Variants in STXBP5L observed in about 807,000 individuals in gnomAD.
STXBP5L encodes syntaxin binding protein 5L.
A neutral mutation model predicts 144.5 loss-of-function variants in STXBP5L; 65 were observed. The observed-to-expected ratio is 0.45, with a 90% CI of 0.37 to 0.55. The LOEUF is 0.55. Among genes scored for constraint, STXBP5L ranks in the 20% least tolerant of loss-of-function variants. The probability of loss-of-function intolerance (pLI) is 0.00; values close to 1 mark genes in which losing one functional copy is unlikely to be tolerated. For missense variants in STXBP5L, 1,298 were observed against 1,405.5 expected (o/e 0.92, Z 1.22); for synonymous variants, 505 against 469.6 (o/e 1.08, Z -0.97).
At chr3:121,058,751 T>C (rs546602404) in intron 5 of STXBP5L, among the ~76,000 whole-genome samples, 14 of 152,342 alleles carry the variant, frequency 9.2e-5, no homozygotes, top group Admixed American at 3.3e-4. Context: ...TTTTCATATG[T>C]TTGTTGGCTA....
At chr3:121,322,691 G>T (rs1229637147) in intron 20 of STXBP5L, among the ~76,000 whole-genome samples, 3 of 148,714 alleles carry the variant, frequency 2.0e-5, no homozygotes, top group South Asian at 2.1e-4. Context: ...GGGGTGGGGG[G>T]TTGAGGGGGT....
At chr3:121,033,538 A>T (rs1484608773) in intron 3 of STXBP5L, among the ~76,000 whole-genome samples, 1 of 144,616 alleles carries the variant, frequency 6.9e-6, no homozygotes, top group East Asian at 2.0e-4. Flanking sequence ...AACCTGCACA[A>T]TGTGAACATG....
intron 3 of STXBP5L, among the ~76,000 whole-genome samples, chr3:120,981,475 T>A (rs999256783): frequency 1.3e-5 from 2 of 152,158 alleles, no homozygotes; most frequent in South Asian, 2.1e-4. Context: ...TCTAGCCTAT[T>A]ATTAGGGCTT....
intron 5 of STXBP5L, among the ~76,000 whole-genome samples, chr3:121,109,451 ACTT>A (rs2043876542): frequency 6.6e-6 from 1 of 151,996 alleles, no homozygotes; most frequent in African/African-American, 2.4e-5. Flanking sequence ...GTTTCACAGA[ACTT>A]CTTGATTTCT....
intron 9 of STXBP5L, among the ~76,000 whole-genome samples, chr3:121,173,497 G>A (rs2108071686): frequency 6.6e-6 from 1 of 151,930 alleles, no homozygotes; most frequent in Admixed American, 6.6e-5. Context: ...AGTGTGAGGG[G>A]CACCAACTCC....
chr3:121,165,647 A>AG (rs2108036399), intron 9 of STXBP5L, among the ~76,000 whole-genome samples: 1 of 152,174 alleles, frequency 6.6e-6, no homozygotes, highest in South Asian at 2.1e-4. Flanking sequence ...TTGGGTGAAA[A>AG]GGAAAAAAAG....
intron 6 of STXBP5L, among the ~76,000 whole-genome samples, chr3:121,119,927 T>G (rs2044386087): frequency 6.6e-6 from 1 of 151,288 alleles, no homozygotes; most frequent in Non-Finnish European, 1.5e-5. Context: ...TTCTATAGTT[T>G]AAGGATCTAA....
intron 7 of STXBP5L, among the ~76,000 whole-genome samples, chr3:121,129,788 A>G (rs777347926): frequency 2.1e-4 from 32 of 152,042 alleles, no homozygotes; most frequent in Non-Finnish European, 3.8e-4. Context: ...AACTGGATCT[A>G]GTGAGCAGAC....
chr3:121,159,808 A>G, intron 9 of STXBP5L, among the ~76,000 whole-genome samples: 1 of 149,518 alleles, frequency 6.7e-6, no homozygotes, highest in East Asian at 2.0e-4. Context: ...TTTTTTTTGT[A>G]TTTTTAGTAG....
intron 10 of STXBP5L, among the ~76,000 whole-genome samples, chr3:121,210,025 G>T (rs1206741099): frequency 1.3e-5 from 2 of 152,178 alleles, no homozygotes; most frequent in Non-Finnish European, 2.9e-5. Flanking sequence ...TTCCACAATG[G>T]TTGAACTAGT....
intron 3 of STXBP5L, among the ~76,000 whole-genome samples, chr3:121,024,766 TGTATAAACACAA>T (rs1945807002): frequency 6.6e-6 from 1 of 152,136 alleles, no homozygotes; most frequent in African/African-American, 2.4e-5. Flanking sequence ...ATCCCATAAA[TGTATAAACACAA>T]GTATATAGAT....
intron 3 of STXBP5L, among the ~76,000 whole-genome samples, chr3:120,983,638 G>C (rs1378726049): frequency 6.6e-6 from 1 of 152,082 alleles, no homozygotes; most frequent in East Asian, 1.9e-4. Flanking sequence ...AGGCCTGGGA[G>C]GACTGAGGGA....
chr3:121,398,162 T>TA (rs1326662851), intron 22 of STXBP5L, among the ~76,000 whole-genome samples: 2 of 152,238 alleles, frequency 1.3e-5, no homozygotes, highest in African/African-American at 4.8e-5. Flanking sequence ...CAGAAGTAGA[T>TA]ATAACAATTT....
chr3:120,982,750 G>C (rs570687549), intron 3 of STXBP5L, among the ~76,000 whole-genome samples: 18 of 152,310 alleles, frequency 1.2e-4, no homozygotes, highest in African/African-American at 4.3e-4. Flanking sequence ...GTTGTCAGCT[G>C]GTTGGGTTGG....
intron 5 of STXBP5L, among the ~76,000 whole-genome samples, chr3:121,086,045 A>G (rs6799358): frequency 0.099 from 15,104 of 152,134 alleles, 1,179 homozygotes; most frequent in Admixed American, 0.2. Context: ...AGACAAACCT[A>G]ACAAAAGCAA....
chr3:120,951,351 T>A (rs576734408), intron 2 of STXBP5L, among the ~76,000 whole-genome samples: 11 of 152,100 alleles, frequency 7.2e-5, no homozygotes, highest in Admixed American at 2.0e-4. Flanking sequence ...GAAACTACCA[T>A]CAGAGTGAAC....
At chr3:121,056,106 G>A (rs1004832196) in intron 5 of STXBP5L, among the ~76,000 whole-genome samples, 2 of 152,032 alleles carry the variant, frequency 1.3e-5, no homozygotes, top group African/African-American at 4.8e-5. Context: ...CATCTGGTAA[G>A]GCTTATATAT....
intron 8 of STXBP5L, among the ~76,000 whole-genome samples, chr3:121,155,333 C>T (rs1303568778): frequency 1.3e-5 from 2 of 151,834 alleles, no homozygotes; most frequent in Non-Finnish European, 1.5e-5. Flanking sequence ...AACTTCTCAT[C>T]ATGAACTGCC....
In STXBP5L at chr3:121,172,504, T is replaced by C. The variant is rs182950468; in HGVS notation, c.877+14877T>C. ...AGTTTACAAGTAAAAAACAACCCCA[T>C]CAAAAAGTGGGCAAAGGGTATCTAC... On this transcript the variant is annotated intron_variant, in intron 9 of 26. Coordinates refer to ENST00000471454, the MANE Select transcript of STXBP5L (RefSeq NM_001308330.2). 3.3e-3 allele frequency among the ~76,000 whole-genome samples: 504 copies of C among 152,044 alleles called. 3 individuals are homozygous for C. Among genetic ancestry groups the C allele is most frequent in the African/African-American group, 0.011 (467 of 41,468 alleles).
Sources: allele counts gnomAD v4.1 joint callset (sites outside exome capture counted in the v4.1 genomes callset), GRCh38; gene constraint gnomAD v4.1.1; transcripts MANE v1.5; gene names NCBI Gene and HGNC (gene_info 2026-07-23, HGNC 2026-07-21).